Variants in PPP1R13B observed in about 807,000 individuals in gnomAD.
PPP1R13B encodes the protein protein phosphatase 1 regulatory subunit 13B, also known as apoptosis-stimulating of p53 protein 1.
In PPP1R13B, 44 loss-of-function variants were observed where a neutral mutation model predicts 119.8. The observed-to-expected ratio is 0.37, with a 90% confidence interval of 0.29 to 0.47. The LOEUF (loss-of-function observed/expected upper bound fraction) is 0.47. Ranked by LOEUF, PPP1R13B falls within the 20% of genes least tolerant of loss-of-function variation. The pLI, the probability that PPP1R13B is intolerant of heterozygous loss-of-function variation, is 0.99. For missense variants in PPP1R13B, 1,227 were observed against 1,413.5 expected (o/e 0.87, Z 2.12); for synonymous variants, 542 against 561.5 (o/e 0.97, Z 0.49).
intron 1 of PPP1R13B, among the ~76,000 whole-genome samples, chr14:103,830,802 G>C (rs1293559374): frequency 2.0e-5 from 3 of 152,118 alleles, no homozygotes; most frequent in Non-Finnish European, 4.4e-5. Flanking sequence ...CATGGCTATT[G>C]AGAACCTAGG....
At chr14:103,830,221 G>A (rs895942489) in intron 1 of PPP1R13B, among the ~76,000 whole-genome samples, 4 of 151,586 alleles carry the variant, frequency 2.6e-5, no homozygotes, top group Admixed American at 6.6e-5. Context: ...TTAGCCTCCC[G>A]AGTAGCTGGG....
At position 103,815,855 on chromosome 14, in the gene PPP1R13B, G is replaced by A. The variant is rs947895205; in HGVS notation, c.10-18337C>T. Reference sequence around the variant, plus strand: ...TCCCAGCACTTTGGGAGGCCGAGGCGGGCAGATCACAAGGTCAGGAGATCG... The same window carrying A: ...TCCCAGCACTTTGGGAGGCCGAGGCAGGCAGATCACAAGGTCAGGAGATCG... On this transcript the variant is annotated intron_variant, in intron 1 of 16. Transcript: ENST00000202556. Among the ~76,000 whole-genome samples the A allele has an allele frequency of 1.2e-4, 19 of 152,008 alleles. 1 individual carries two copies. Among genetic ancestry groups the A allele is most frequent in the South Asian group, 2.1e-4 (1 of 4,814 alleles).
chr14:103,829,111 GAA>G (rs886259584), intron 1 of PPP1R13B, among the ~76,000 whole-genome samples: 1 of 152,200 alleles, frequency 6.6e-6, no homozygotes, highest in African/African-American at 2.4e-5. Context: ...GTTTCAGAGA[GAA>G]AGAGTGGCTT....
intron 4 of PPP1R13B, among the ~76,000 whole-genome samples, chr14:103,758,826 C>A (rs1205590286): frequency 6.6e-6 from 1 of 152,238 alleles, no homozygotes; most frequent in African/African-American, 2.4e-5. Context: ...TCACCTTCTG[C>A]CACCCTTAAA....
intron 1 of PPP1R13B, among the ~76,000 whole-genome samples, chr14:103,836,590 G>A (rs974303401): frequency 3.3e-5 from 5 of 151,680 alleles, no homozygotes; most frequent in African/African-American, 7.3e-5. Context: ...CCAACATGGC[G>A]AAACCCCATC....
At chr14:103,848,183 C>T, upstream of PPP1R13B, 2 of 943,560 alleles carry the variant, frequency 2.1e-6, no homozygotes, top group South Asian at 9.8e-5. Flanking sequence ...CTCGGGGCCG[C>T]GCCCCCCGCA....
intron 4 of PPP1R13B, chr14:103,762,861 G>C: frequency 1.9e-6 from 2 of 1,029,286 alleles, no homozygotes; most frequent in South Asian, 1.4e-5. Context: ...AGTGGAAAAA[G>C]TTCAAAAGAA....
rs539273338 is a variant in PPP1R13B at position 103,799,878 on chromosome 14, T to A, written c.10-2360A>T. On this transcript the variant is annotated intron_variant, in intron 1 of 16. Coordinates refer to ENST00000202556, the MANE Select transcript of PPP1R13B (RefSeq NM_015316.3). ...CTGGCCAACTTGGTGAAACCCCAAC[T>A]CTGATACAAAAGAAATACAAAAATT... Among the ~76,000 whole-genome samples, 50 of 151,666 alleles carry A rather than the reference T, an allele frequency of 3.3e-4. No individual in the cohort carries two copies. In the South Asian group the frequency reaches 9.8e-3, roughly 30 times the overall value.
At chr14:103,739,314 G>A in intron 12 of PPP1R13B, 1 of 401,510 alleles carries the variant, frequency 2.5e-6, no homozygotes. Context: ...CTGTGGGAGG[G>A]AGGGTGGCGT....
chr14:103,767,221 G>A (rs561703557), intron 4 of PPP1R13B, among the ~76,000 whole-genome samples: 73 of 152,238 alleles, frequency 4.8e-4, no homozygotes, highest in African/African-American at 1.3e-3. Flanking sequence ...AGGCTGAGGT[G>A]AGAGGACTGC....
intron 1 of PPP1R13B, among the ~76,000 whole-genome samples, chr14:103,798,013 C>A (rs923750877): frequency 1.3e-5 from 2 of 151,950 alleles, no homozygotes; most frequent in African/African-American, 4.8e-5. Flanking sequence ...AACCCTAAAG[C>A]CATAAAAAGT....
chr14:103,735,751 T>C (rs915130949), intron 16 of PPP1R13B, among the ~76,000 whole-genome samples: 9 of 152,192 alleles, frequency 5.9e-5, no homozygotes, highest in Admixed American at 2.0e-4. Context: ...ACCGAGCTCA[T>C]TGAGCGGCCC....
At chr14:103,825,292 A>C (rs1168213124) in intron 1 of PPP1R13B, among the ~76,000 whole-genome samples, 3 of 152,164 alleles carry the variant, frequency 2.0e-5, no homozygotes, top group Non-Finnish European at 2.9e-5. Context: ...GCCAATTAAT[A>C]ACCCTACAGT....
rs1219710437 is a variant in PPP1R13B at position 103,794,944 on chromosome 14, A to ATGTT, written c.157+2423_157+2426dup. On this transcript the variant is annotated intron_variant, in intron 2 of 16. Coordinates refer to ENST00000202556, the MANE Select transcript of PPP1R13B (RefSeq NM_015316.3). ...TAGAGATAAAAACTACTACTACATTATGTTTGTTTGTTTTTTTTTGAGACA... is the reference window on the plus strand; with the variant it reads ...TAGAGATAAAAACTACTACTACATTATGTTTGTTTGTTTGTTTTTTTTTGAGACA... Among the ~76,000 whole-genome samples, 3 of 151,920 alleles carry ATGTT rather than the reference A, an allele frequency of 2.0e-5. No homozygotes were observed. The East Asian group carries it at 5.8e-4, about 29-fold the overall frequency.
chr14:103,771,740 C>T (rs1259977173), intron 4 of PPP1R13B, among the ~76,000 whole-genome samples: 1 of 152,108 alleles, frequency 6.6e-6, no homozygotes, highest in African/African-American at 2.4e-5. Context: ...CTTGGCCTCC[C>T]AAAGTACTGG....
chr14:103,742,407 G>A lies in PPP1R13B; in HGVS notation c.1321-116C>T. On this transcript the variant is annotated intron_variant, in intron 10 of 16. Coordinates refer to ENST00000202556, the MANE Select transcript of PPP1R13B (RefSeq NM_015316.3). The surrounding 1 kb of genome is among the most constrained non-coding windows in gnomAD (Gnocchi z 4.9). ...ATTTGTAATCCGTCAAATTGGCTGT[G>A]ACCAGGACTTGGGGCACACTGTTGA... 2 of 1,405,492 alleles carry A rather than the reference G, an allele frequency of 1.4e-6. No homozygotes were observed. The highest frequency in any genetic ancestry group is 1.9e-6 in the Non-Finnish European group (2 of 1,052,796). 87.1% of individuals were successfully genotyped at this position (1,405,492 alleles called of 1,614,324 possible).
At position 103,742,985 on chromosome 14, in the gene PPP1R13B, C is replaced by T. The variant is rs951612973; in HGVS notation, c.1151-162G>A. 5.3e-6 allele frequency: 4 copies of T among 751,650 alleles called. No individual in the cohort carries two copies. Among genetic ancestry groups the T allele is most frequent in the Non-Finnish European group, 8.6e-6 (4 of 465,352 alleles). 46.6% of individuals were successfully genotyped at this position (751,650 alleles called of 1,614,324 possible). A position where few individuals can be genotyped will look rare whatever the true frequency, so the allele number is the denominator to read the frequency against. ...ACCAGCCACATGCACAACTGCTGATCTCCTCCAGCACCCACAGACCCGTGC... is the reference window on the plus strand; with the variant it reads ...ACCAGCCACATGCACAACTGCTGATTTCCTCCAGCACCCACAGACCCGTGC... On this transcript the variant is annotated intron_variant, in intron 9 of 16. Transcript: ENST00000202556. The surrounding 1 kb of genome is among the most constrained non-coding windows in gnomAD (Gnocchi z 4.9).
chr14:103,741,120 A>C (rs1237512920), intron 11 of PPP1R13B, among the ~76,000 whole-genome samples: 1 of 152,238 alleles, frequency 6.6e-6, no homozygotes, highest in East Asian at 1.9e-4. Context: ...GGAAGTGACT[A>C]GGCACGTCCA....
chr14:103,840,021 T>A (rs1361085469), intron 1 of PPP1R13B: 1 of 152,240 alleles, frequency 6.6e-6, no homozygotes, highest in Non-Finnish European at 1.5e-5. Context: ...TATTGTTCTA[T>A]ATGATATCAC....
Sources: allele counts gnomAD v4.1 joint callset (sites outside exome capture counted in the v4.1 genomes callset), GRCh38; gene constraint gnomAD v4.1.1; non-coding constraint Gnocchi (gnomAD v3.1); transcripts MANE v1.5; gene names NCBI Gene and HGNC (gene_info 2026-07-23, HGNC 2026-07-21).